LRRC4C: variants seen among roughly 807,000 people sequenced by gnomAD.
LRRC4C encodes leucine-rich repeat-containing protein 4C.
A neutral mutation model predicts 33.6 loss-of-function variants in LRRC4C; 5 were observed. That is an observed-to-expected ratio of 0.15 (90% CI 0.08 to 0.31). The LOEUF is 0.31. LRRC4C is among the 10% of genes least tolerant of loss of function. The pLI, the probability that LRRC4C is intolerant of heterozygous loss-of-function variation, is 1.00. For missense variants in LRRC4C, 560 were observed against 796.7 expected, an observed-to-expected ratio of 0.70 and a Z score of 3.58; for synonymous variants, 329 against 302.0, an observed-to-expected ratio of 1.09 and a Z score of -0.93.
chr11:40,914,813 CA>C (rs1344316319), intron 2 of LRRC4C, among the ~76,000 whole-genome samples: 2 of 152,020 alleles, frequency 1.3e-5, no homozygotes, highest in Non-Finnish European at 2.9e-5. Flanking sequence ...CGTCTCAGCC[CA>C]AAAATCTCCT....
intron 1 of LRRC4C, among the ~76,000 whole-genome samples, chr11:41,043,584 T>C (rs917120683): frequency 2.0e-5 from 3 of 152,002 alleles, no homozygotes; most frequent in African/African-American, 7.2e-5. Context: ...ATTATCTCAG[T>C]TAAACTTTCA....
At chr11:40,868,935 CACG>C (rs1954500674) in intron 2 of LRRC4C, among the ~76,000 whole-genome samples, 1 of 152,086 alleles carries the variant, frequency 6.6e-6, no homozygotes, top group Non-Finnish European at 1.5e-5. Flanking sequence ...GTCTCAGAGA[CACG>C]ACATTTATTT....
chr11:41,351,676 T>TG (rs532506231), intron 1 of LRRC4C, among the ~76,000 whole-genome samples: 28 of 152,284 alleles, frequency 1.8e-4, no homozygotes, highest in African/African-American at 5.5e-4. Context: ...CAAAAGAGAT[T>TG]GGGGGCCTAT....
chr11:40,750,072 C>G (rs1185282142), intron 2 of LRRC4C, among the ~76,000 whole-genome samples: 2 of 151,656 alleles, frequency 1.3e-5, no homozygotes, highest in East Asian at 1.9e-4. Context: ...AATACAAAAA[C>G]TACCTAGGCA....
chr11:40,806,979 T>A (rs1951282135), intron 2 of LRRC4C, among the ~76,000 whole-genome samples: 1 of 148,170 alleles, frequency 6.7e-6, no homozygotes, highest in Non-Finnish European at 1.5e-5. Context: ...ACTGCTCTAC[T>A]TTTTTTCTCA....
At chr11:40,592,447 T>C (rs866002792) in intron 3 of LRRC4C, among the ~76,000 whole-genome samples, 27 of 152,284 alleles carry the variant, frequency 1.8e-4, no homozygotes, top group South Asian at 1.5e-3. Context: ...ATATGATCAA[T>C]TGCTATTAAT....
At chr11:40,833,430 A>T (rs562516476) in intron 2 of LRRC4C, among the ~76,000 whole-genome samples, 1 of 152,256 alleles carries the variant, frequency 6.6e-6, no homozygotes, top group East Asian at 1.9e-4. Flanking sequence ...AATATATCCA[A>T]TATATTGTCA....
intron 4 of LRRC4C, among the ~76,000 whole-genome samples, chr11:40,301,873 A>G (rs535377525): frequency 5.2e-4 from 79 of 152,360 alleles, no homozygotes; most frequent in African/African-American, 1.8e-3. Flanking sequence ...TAAGAGACAA[A>G]AATGACTCTC....
intron 1 of LRRC4C, among the ~76,000 whole-genome samples, chr11:41,239,858 C>A (rs1948180459): frequency 6.6e-6 from 1 of 152,102 alleles, no homozygotes; most frequent in South Asian, 2.1e-4. Context: ...AAGTAATCAT[C>A]TATATTATTT....
chr11:41,323,412 A>G (rs1951015961), intron 1 of LRRC4C, among the ~76,000 whole-genome samples: 1 of 152,220 alleles, frequency 6.6e-6, no homozygotes, highest in African/African-American at 2.4e-5. Flanking sequence ...ACTATATTAA[A>G]GTTACAGGAA....
At chr11:41,273,850 C>T (rs1039205068) in intron 1 of LRRC4C, among the ~76,000 whole-genome samples, 2 of 152,126 alleles carry the variant, frequency 1.3e-5, no homozygotes, top group Admixed American at 1.3e-4. Flanking sequence ...TATGTCCAAA[C>T]TCATCAAAAT....
intron 1 of LRRC4C, among the ~76,000 whole-genome samples, chr11:41,246,719 T>C (rs1948467001): frequency 6.6e-6 from 1 of 152,182 alleles, no homozygotes; most frequent in African/African-American, 2.4e-5. Flanking sequence ...CTATTATTTT[T>C]GTTGTTCTTG....
chr11:40,252,912 G>T (rs1342994591), intron 4 of LRRC4C, among the ~76,000 whole-genome samples: 1 of 152,028 alleles, frequency 6.6e-6, no homozygotes, highest in South Asian at 2.1e-4. Flanking sequence ...GAGACTTTAG[G>T]CTCACTTTCC....
chr11:40,417,604 G>A (rs1037255907), intron 3 of LRRC4C, among the ~76,000 whole-genome samples: 1 of 151,670 alleles, frequency 6.6e-6, no homozygotes, highest in Admixed American at 6.6e-5. Context: ...TACCTACCTC[G>A]GCCTCCCAAA....
chr11:40,188,412 G>C (rs1448411409), intron 5 of LRRC4C, among the ~76,000 whole-genome samples: 1 of 152,180 alleles, frequency 6.6e-6, no homozygotes, highest in African/African-American at 2.4e-5. Context: ...AAATCAGGAT[G>C]AATGTTTGTT....
rs1464218275 is a variant in LRRC4C at position 40,116,269 on chromosome 11, A to C, written c.24T>G (p.His8Gln). The C allele has an allele frequency of 6.2e-7, 1 of 1,600,438 alleles. No individual in the cohort carries two copies. Among genetic ancestry groups the C allele is most frequent in the Admixed American group, 1.7e-5 (1 of 59,202 alleles). Residue 8 changes from histidine to glutamine, a missense_variant, in exon 7 of 7, where the codon CAT becomes CAG. By Grantham distance (24) the His-to-Gln change is conservative. Coordinates refer to ENST00000528697, the MANE Select transcript of LRRC4C (RefSeq NM_001258419.2). The stretch of plus-strand genomic sequence containing the variant: ...TAGGACCTATCATTATCTGCTGTGG[A>C]TGTAAGGTCATCTTGTTCAACATTC... MLNKMTL[H>Q]PQQIMIGPRF...
intron 3 of LRRC4C, among the ~76,000 whole-genome samples, chr11:40,458,999 A>T (rs756296120): frequency 1.3e-5 from 2 of 152,188 alleles, no homozygotes; most frequent in Non-Finnish European, 2.9e-5. Context: ...GGACACACAT[A>T]CATGCATATA....
At chr11:41,077,277 G>A (rs1939223458) in intron 1 of LRRC4C, among the ~76,000 whole-genome samples, 1 of 152,132 alleles carries the variant, frequency 6.6e-6, no homozygotes, top group Non-Finnish European at 1.5e-5. Context: ...CTCTGTGTGG[G>A]GGCTCCAACC....
chr11:40,177,933 G>A (rs898966828), intron 5 of LRRC4C, among the ~76,000 whole-genome samples: 2 of 152,078 alleles, frequency 1.3e-5, no homozygotes, highest in Non-Finnish European at 2.9e-5. Context: ...GCATTGAGTG[G>A]CATCAATTTT....
Sources: allele counts gnomAD v4.1 joint callset (sites outside exome capture counted in the v4.1 genomes callset), GRCh38; gene constraint gnomAD v4.1.1; transcripts MANE v1.5; gene names NCBI Gene and HGNC (gene_info 2026-07-23, HGNC 2026-07-21).